The following ZNF277 variants were observed in gnomAD, a reference collection of about 807,000 sequenced individuals.
ZNF277 encodes the protein nuclear receptor-interacting factor 4.
In ZNF277, 55 loss-of-function variants were observed where a neutral mutation model predicts 60.7. The observed-to-expected ratio is 0.91, with a 90% CI of 0.73 to 1.13. The LOEUF (loss-of-function observed/expected upper bound fraction) is 1.13. ZNF277 is among the 50% of genes most tolerant of loss of function. ZNF277 has a pLI of 0.00. For synonymous variants in ZNF277, 178 were observed against 179.3 expected, an observed-to-expected ratio of 0.99 and a Z score of 0.06; for missense variants, 510 against 523.0, an observed-to-expected ratio of 0.98 and a Z score of 0.24.
At chr7:112,257,371 G>A (rs1791339604) in intron 1 of ZNF277, among the ~76,000 whole-genome samples, 1 of 152,072 alleles carries the variant, frequency 6.6e-6, no homozygotes, top group South Asian at 2.1e-4. Context: ...AGGAAAAATA[G>A]ACTTTAGCAG....
rs1047551 is a variant in ZNF277 at position 112,343,223 on chromosome 7, A to C, written c.*494A>C. Reference sequence around the variant, plus strand: ...AGAAAAGCCACAGAAGAAAGAAGAAATGGTCAAAGACGTGGATAATATGCA... The same window carrying C: ...AGAAAAGCCACAGAAGAAAGAAGAACTGGTCAAAGACGTGGATAATATGCA... On this transcript the variant is annotated 3_prime_UTR_variant, in exon 12 of 12. Coordinates refer to ENST00000361822, the MANE Select transcript of ZNF277 (RefSeq NM_021994.3). 7,862 of 152,352 alleles carry C rather than the reference A, an allele frequency of 0.052. 284 individuals carry two copies. Among genetic ancestry groups the C allele is most frequent in the Admixed American group, 0.12 (1,903 of 15,298 alleles). 9.4% of individuals were successfully genotyped at this position (152,352 alleles called of 1,614,324 possible).
chr7:112,240,953 T>A (rs1790931767), intron 1 of ZNF277, among the ~76,000 whole-genome samples: 1 of 152,120 alleles, frequency 6.6e-6, no homozygotes. Context: ...GGCAAAGATT[T>A]TTTTAGTATA....
chr7:112,247,498 TAAG>T (rs1165736998), intron 1 of ZNF277, among the ~76,000 whole-genome samples: 4 of 152,132 alleles, frequency 2.6e-5, no homozygotes, highest in Admixed American at 6.5e-5. Context: ...AAATGAATAA[TAAG>T]CTAGAATGTT....
At position 112,210,435 on chromosome 7, in the gene ZNF277, A is replaced by AT. The variant is rs1462530907; in HGVS notation, c.91+3635dup. Among the ~76,000 whole-genome samples the AT allele has an allele frequency of 1.3e-4, 19 of 141,544 alleles. No individual in the cohort carries two copies. In the South Asian group the frequency reaches 3.0e-3, roughly 22 times the overall value. 92.9% of individuals were successfully genotyped at this position (141,544 alleles called of 152,430 possible). ...GAAAGTCCCCACATTGAGGTCAAGGATTTTTTTGCTTTTTTTGTTTTTGTT... is the reference window on the plus strand; with the variant it reads ...GAAAGTCCCCACATTGAGGTCAAGGATTTTTTTTGCTTTTTTTGTTTTTGTT... On this transcript the variant is annotated intron_variant, in intron 1 of 11. Coordinates refer to ENST00000361822, the MANE Select transcript of ZNF277 (RefSeq NM_021994.3).
At chr7:112,273,483 G>A (rs1204396589) in intron 1 of ZNF277, among the ~76,000 whole-genome samples, 1 of 152,194 alleles carries the variant, frequency 6.6e-6, no homozygotes, top group African/African-American at 2.4e-5. Context: ...CTTCTTCAGT[G>A]CCTCTTTCAG....
At chr7:112,226,872 T>C (rs1822189695) in intron 1 of ZNF277, among the ~76,000 whole-genome samples, 2 of 152,200 alleles carry the variant, frequency 1.3e-5, no homozygotes, top group Admixed American at 1.3e-4. Flanking sequence ...GTGAAAGCTT[T>C]TTTTTTAGAC....
chr7:112,227,051 T>C (rs761168250), intron 1 of ZNF277, among the ~76,000 whole-genome samples: 1 of 152,194 alleles, frequency 6.6e-6, no homozygotes, highest in Non-Finnish European at 1.5e-5. Context: ...ATTGCCCTCT[T>C]TGCTTGTTAC....
chr7:112,233,862 A>C (rs1822409907), intron 1 of ZNF277, among the ~76,000 whole-genome samples: 1 of 152,112 alleles, frequency 6.6e-6, no homozygotes, highest in South Asian at 2.1e-4. Flanking sequence ...AATTTTTTGG[A>C]ATTTTTGGTA....
chr7:112,320,343 A>T (rs932250544), intron 5 of ZNF277, among the ~76,000 whole-genome samples: 1 of 152,090 alleles, frequency 6.6e-6, no homozygotes, highest in African/African-American at 2.4e-5. Flanking sequence ...AACCAGTGAG[A>T]AAGATAAATA....
intron 4 of ZNF277, among the ~76,000 whole-genome samples, chr7:112,316,151 ATGT>A (rs1792838879): frequency 6.6e-6 from 1 of 152,126 alleles, no homozygotes; most frequent in Non-Finnish European, 1.5e-5. Context: ...TTCAGCTGTC[ATGT>A]TGTAAAAAGC....
intron 1 of ZNF277, among the ~76,000 whole-genome samples, chr7:112,243,631 A>G (rs1222986926): frequency 6.6e-6 from 1 of 152,126 alleles, no homozygotes; most frequent in African/African-American, 2.4e-5. Context: ...ACACAATACC[A>G]TCTTACAAGA....
At chr7:112,320,699 T>G (rs191034385) in intron 5 of ZNF277, among the ~76,000 whole-genome samples, 3 of 152,176 alleles carry the variant, frequency 2.0e-5, no homozygotes, top group Admixed American at 2.0e-4. Flanking sequence ...CAGTATACAG[T>G]TGGATCATTT....
intron 1 of ZNF277, among the ~76,000 whole-genome samples, chr7:112,267,069 A>G (rs1791566109): frequency 6.6e-6 from 1 of 152,196 alleles, no homozygotes; most frequent in South Asian, 2.1e-4. Flanking sequence ...CCAAAGTATT[A>G]TAACAATATT....
At chr7:112,305,696 T>C (rs1792572726) in intron 4 of ZNF277, among the ~76,000 whole-genome samples, 1 of 152,116 alleles carries the variant, frequency 6.6e-6, no homozygotes, top group African/African-American at 2.4e-5. Context: ...TTCTTTCCTT[T>C]ATATTTTAAA....
intron 1 of ZNF277, among the ~76,000 whole-genome samples, chr7:112,216,574 G>A (rs1444356377): frequency 6.6e-6 from 1 of 152,168 alleles, no homozygotes; most frequent in Non-Finnish European, 1.5e-5. Context: ...CTCATAAAGC[G>A]CTAGGATTTT....
At chr7:112,330,391 C>T in intron 7 of ZNF277, 175 bp downstream of exon 7, 1 of 635,712 alleles carries the variant, frequency 1.6e-6, no homozygotes. Context: ...TTTGATTTGA[C>T]TTGTCTTTTA....
intron 4 of ZNF277, among the ~76,000 whole-genome samples, chr7:112,301,818 T>C (rs1251281841): frequency 1.3e-5 from 2 of 151,362 alleles, no homozygotes; most frequent in Non-Finnish European, 3.0e-5. Context: ...TGTATTAACA[T>C]TTCTATCTTC....
chr7:112,314,045 G>A (rs1435205758), intron 4 of ZNF277, among the ~76,000 whole-genome samples: 1 of 152,084 alleles, frequency 6.6e-6, no homozygotes, highest in African/African-American at 2.4e-5. Flanking sequence ...AAGCAATATA[G>A]ATGCCAACTG....
At chr7:112,221,130 G>A (rs1207119244) in intron 1 of ZNF277, among the ~76,000 whole-genome samples, 1 of 152,158 alleles carries the variant, frequency 6.6e-6, no homozygotes, top group Non-Finnish European at 1.5e-5. Context: ...ATCCAGCGAG[G>A]TGCCCATTGC....
Sources: allele counts gnomAD v4.1 joint callset (sites outside exome capture counted in the v4.1 genomes callset), GRCh38; gene constraint gnomAD v4.1.1; transcripts MANE v1.5; gene names NCBI Gene and HGNC (gene_info 2026-07-23, HGNC 2026-07-21).